The following ADPRHL1 variants were observed in gnomAD, a reference collection of about 807,000 sequenced individuals.
ADPRHL1 encodes ADP-ribosylhydrolase like 1, also known as inactive ADP-ribosyltransferase ARH2.
ADPRHL1 carries 43 observed loss-of-function variants against 44.1 expected under a neutral mutation model. The ratio of observed to expected loss-of-function variants is 0.98; its 90% CI spans 0.76 to 1.26. The LOEUF is 1.26. Among genes scored for constraint, ADPRHL1 ranks in the 50% most tolerant of loss-of-function variants. The pLI is 0.00. For missense variants in ADPRHL1, 2,022 were observed against 2,496.9 expected, an observed-to-expected ratio of 0.81 and a Z score of 4.05; for synonymous variants, 878 against 1,017.4, an observed-to-expected ratio of 0.86 and a Z score of 2.61.
In ADPRHL1 at chr13:113,453,472, G is replaced by C; in HGVS notation, c.-35C>G. The C allele has an allele frequency of 6.2e-7, 1 of 1,606,118 alleles. No individual in the cohort carries two copies. The highest frequency in any genetic ancestry group is 8.5e-7 in the Non-Finnish European group (1 of 1,175,640). Reference sequence around the variant, plus strand: ...CAGCTCCTCTTCCCCAACAGCTGCGGAGCGTCCTGGCCTTTGTCTCCTCCT... The same window carrying C: ...CAGCTCCTCTTCCCCAACAGCTGCGCAGCGTCCTGGCCTTTGTCTCCTCCT... On this transcript the variant is annotated 5_prime_UTR_variant, in exon 1 of 8. Coordinates refer to ENST00000612156, the MANE Select transcript of ADPRHL1 (RefSeq NM_001394807.1). The surrounding 1 kb of genome is among the most constrained non-coding windows in gnomAD (Gnocchi z 5.4).
chr13:113,424,914 A>G (rs1303470633), intron 5 of ADPRHL1, 138 bp downstream of exon 5: 7 of 996,418 alleles, frequency 7.0e-6, no homozygotes, highest in South Asian at 4.7e-5. Flanking sequence ...CCACCCACCC[A>G]TCATCCAAAA....
intron 7 of ADPRHL1, among the ~76,000 whole-genome samples, chr13:113,419,892 C>T (rs897689177): frequency 6.6e-6 from 1 of 152,038 alleles, no homozygotes; most frequent in South Asian, 2.1e-4. Flanking sequence ...GTCTCACATA[C>T]AGGTGGACAG....
chr13:113,429,183 G>A lies in ADPRHL1; in HGVS notation c.506-91C>T, dbSNP rs116393557. 97 of 1,506,150 alleles carry A rather than the reference G, an allele frequency of 6.4e-5. No homozygotes were observed. The African/African-American group carries it at 1.3e-3, about 20-fold the overall frequency. The allele number at this position is 1,506,150 out of a possible 1,614,324, so 93.3% of individuals were successfully genotyped here. A position where few individuals can be genotyped will look rare whatever the true frequency, so the allele number is the denominator to read the frequency against. Reference sequence around the variant, plus strand: ...CGCCACGCTGCGTGGGACTCCCGAGGAAGGGTTTGCTCGTTTTCCGTCTTT... The same window carrying A: ...CGCCACGCTGCGTGGGACTCCCGAGAAAGGGTTTGCTCGTTTTCCGTCTTT... On this transcript the variant is annotated intron_variant, in intron 3 of 7. Transcript: ENST00000612156.
intron 3 of ADPRHL1, among the ~76,000 whole-genome samples, chr13:113,429,793 T>C (rs2043994448): frequency 6.6e-6 from 1 of 152,242 alleles, no homozygotes; most frequent in Non-Finnish European, 1.5e-5. Context: ...TTGGGGCTTT[T>C]CTTGCCTAAC....
intron 2 of ADPRHL1, among the ~76,000 whole-genome samples, chr13:113,438,425 G>A (rs949809330): frequency 6.6e-6 from 1 of 152,136 alleles, no homozygotes; most frequent in African/African-American, 2.4e-5. Context: ...TGGGCATGGT[G>A]GCTTATGCCT....
chr13:113,439,335 C>A (rs745645056), intron 2 of ADPRHL1, among the ~76,000 whole-genome samples: 1 of 152,144 alleles, frequency 6.6e-6, no homozygotes, highest in African/African-American at 2.4e-5. Context: ...TTTGGCCAGG[C>A]TGGTCTCGAA....
chr13:113,433,115 C>T (rs973615836), intron 3 of ADPRHL1, among the ~76,000 whole-genome samples: 2 of 152,192 alleles, frequency 1.3e-5, no homozygotes, highest in African/African-American at 4.8e-5. Flanking sequence ...CCGCTTCACC[C>T]TCACACAGCC....
rs1430212958 is a variant in ADPRHL1 at position 113,407,201 on chromosome 13, A to T, written c.2081T>A (p.Met694Lys). The T allele has an allele frequency of 8.1e-7, 1 of 1,232,128 alleles. No individual in the cohort carries two copies. The highest frequency in any genetic ancestry group is 1.0e-6 in the Non-Finnish European group (1 of 988,074). The allele number at this position is 1,232,128 out of a possible 1,614,324, so 76.3% of individuals were successfully genotyped here. The change falls in exon 8 of 8, where the codon ATG becomes AAG. Residue 694 changes from methionine (M) to lysine (K), a missense_variant. By Grantham distance (95) the Met-to-Lys change is moderately conservative (BLOSUM62 -1). Coordinates refer to ENST00000612156, the MANE Select transcript of ADPRHL1 (RefSeq NM_001394807.1). ...RPSKPVTPQV[M>K]AQRDGHAVPS... ...GACAGCGTGGCCGTCCCTCTGAGCC[A>T]TCACCTGGGGTGTCACGGGCTTCGA...
chr13:113,447,184 G>A (rs527893819), intron 1 of ADPRHL1, among the ~76,000 whole-genome samples: 2,000 of 140,956 alleles, frequency 0.014, 38 homozygotes, highest in Non-Finnish European at 0.015. Flanking sequence ...TGTGCATGGC[G>A]TCTACACGCA....
At chr13:113,418,404 G>A (rs576499446) in intron 7 of ADPRHL1, among the ~76,000 whole-genome samples, 32 of 152,266 alleles carry the variant, frequency 2.1e-4, no homozygotes, top group South Asian at 1.0e-3. Flanking sequence ...TCAAGTCACC[G>A]AGCCTCCCTG....
intron 4 of ADPRHL1, among the ~76,000 whole-genome samples, chr13:113,427,585 G>A (rs111812800): frequency 5.8e-4 from 88 of 151,808 alleles, no homozygotes; most frequent in African/African-American, 2.0e-3. Flanking sequence ...CCAGGCTGGA[G>A]TGCAGTGGCA....
chr13:113,449,168 G>A (rs1011485577), intron 1 of ADPRHL1: 1 of 1,024,248 alleles, frequency 9.8e-7, no homozygotes. Flanking sequence ...CACCCGGAAG[G>A]AGGCAGCCCC....
At chr13:113,433,506 C>T (rs1367093498) in intron 3 of ADPRHL1, among the ~76,000 whole-genome samples, 1 of 152,200 alleles carries the variant, frequency 6.6e-6, no homozygotes, top group Non-Finnish European at 1.5e-5. Context: ...ACTCCCCCAA[C>T]AAATAAAAAA....
In ADPRHL1 at chr13:113,406,106, C is replaced by G. The variant is rs967333036; in HGVS notation, c.3176G>C (p.Gly1059Ala). 8.1e-7 allele frequency: 1 copy of G among 1,230,138 alleles called. No homozygotes were observed. Among genetic ancestry groups the G allele is most frequent in the African/African-American group, 1.6e-5 (1 of 64,414 alleles). 76.2% of individuals were successfully genotyped at this position (1,230,138 alleles called of 1,614,324 possible). ...RTGPEGVTPMGMTVPGALEEC... is the reference protein window; with the variant it reads ...RTGPEGVTPMAMTVPGALEEC... ...CTCCAGCGCACCGGGCACTGTCATG[C>G]CCATCGGGGTGACACCCTCAGGCCC... is the stretch of plus-strand genomic sequence containing the variant. The change falls in exon 8 of 8, where the codon GGC (glycine) becomes GCC (alanine). Residue 1059 changes from glycine (G) to alanine (A), a missense_variant. Transcript: ENST00000612156.
chr13:113,442,354 C>T (rs2044105308), intron 2 of ADPRHL1, among the ~76,000 whole-genome samples: 1 of 152,206 alleles, frequency 6.6e-6, no homozygotes, highest in African/African-American at 2.4e-5. Context: ...ATGTGGGAGG[C>T]TGAGGCAGGT....
intron 5 of ADPRHL1, among the ~76,000 whole-genome samples, chr13:113,424,732 C>T (rs1185971397): frequency 2.0e-5 from 3 of 148,726 alleles, no homozygotes; most frequent in Non-Finnish European, 4.5e-5. Flanking sequence ...ACCTACCCAT[C>T]CATTCACCCA....
intron 7 of ADPRHL1, among the ~76,000 whole-genome samples, chr13:113,412,637 G>GGGCT (rs1325199805): frequency 6.6e-6 from 1 of 152,210 alleles, no homozygotes; most frequent in Non-Finnish European, 1.5e-5. Flanking sequence ...ACAGCCGGGC[G>GGGCT]GGCTGGCAGA....
chr13:113,426,500 G>A (rs1192779950), intron 4 of ADPRHL1, among the ~76,000 whole-genome samples: 1 of 152,248 alleles, frequency 6.6e-6, no homozygotes, highest in East Asian at 1.9e-4. Flanking sequence ...GCTGCAGCGG[G>A]GAGGCTACGC....
rs764625981 is a variant in ADPRHL1, at chr13:113,406,832, G to A, written c.2450C>T (p.Pro817Leu). 6.4e-5 allele frequency: 79 copies of A among 1,231,982 alleles called. No homozygotes were observed. The highest frequency in any genetic ancestry group is 1.1e-4 in the African/African-American group (7 of 64,412). The allele number at this position is 1,231,982 out of a possible 1,614,324, so 76.3% of individuals were successfully genotyped here. A position where few individuals can be genotyped will look rare whatever the true frequency, so the allele number is the denominator to read the frequency against. ...AGCGTTCAGGGGTGGGATGTGCTCC[G>A]GCACCTTCTGTTCTGGGAAATACTT... The part of the protein sequence containing the change: ...TQKYFPEQKV[P>L]EHIPPLNAPS... Residue 817 changes from proline (P) to leucine (L), a missense_variant, in exon 8 of 8, where the codon CCG becomes CTG. Physicochemically the swap from Pro to Leu is moderately conservative, Grantham distance 98. This residue lies in a region of ADPRHL1 where 1,221 missense variants were observed against 1,517.8 expected (regional missense o/e 0.80). Transcript: ENST00000612156.
Sources: allele counts gnomAD v4.1 joint callset (sites outside exome capture counted in the v4.1 genomes callset), GRCh38; gene constraint gnomAD v4.1.1; regional missense constraint gnomAD v4.1.1; non-coding constraint Gnocchi (gnomAD v3.1); transcripts MANE v1.5; gene names NCBI Gene and HGNC (gene_info 2026-07-23, HGNC 2026-07-21).